The following TMCC1 variants were observed in gnomAD, a reference collection of about 807,000 sequenced individuals.
The protein encoded by TMCC1 is transmembrane and coiled-coil domains protein 1.
TMCC1 carries 15 observed loss-of-function variants against 52.4 expected under a neutral mutation model. The observed-to-expected ratio is 0.29, with a 90% CI of 0.19 to 0.44. The LOEUF (loss-of-function observed/expected upper bound fraction) is 0.44, where lower values mean the gene tolerates loss of function less well. Among genes scored for constraint, TMCC1 ranks in the 20% least tolerant of loss-of-function variants. The probability of loss-of-function intolerance (pLI) is 1.00; values close to 1 mark genes in which losing one functional copy is unlikely to be tolerated. For missense variants in TMCC1, 503 were observed against 806.0 expected, an observed-to-expected ratio of 0.62 and a Z score of 4.55; for synonymous variants, 279 against 301.9, an observed-to-expected ratio of 0.92 and a Z score of 0.79.
At chr3:129,760,401 AGTGTGTGT>A (rs200322394) in intron 4 of TMCC1, among the ~76,000 whole-genome samples, 209 of 137,932 alleles carry the variant, frequency 1.5e-3, no homozygotes, top group South Asian at 6.6e-3. Context: ...ACGCCAGGCT[AGTGTGTGT>A]GTGTGTGTGT....
At chr3:129,891,154 T>C (rs1009836144) in intron 1 of TMCC1, among the ~76,000 whole-genome samples, 69 of 152,216 alleles carry the variant, frequency 4.5e-4, no homozygotes, top group African/African-American at 1.7e-3. Flanking sequence ...TACCTTCTCC[T>C]TAATGAGGCC....
At chr3:129,765,577 T>C (rs2054059008) in intron 4 of TMCC1, among the ~76,000 whole-genome samples, 1 of 152,182 alleles carries the variant, frequency 6.6e-6, no homozygotes, top group Admixed American at 6.5e-5. Context: ...GGATTAACTA[T>C]GAGTGGTAGA....
intron 4 of TMCC1, among the ~76,000 whole-genome samples, chr3:129,812,832 T>C (rs2057895320): frequency 2.0e-5 from 3 of 151,914 alleles, no homozygotes; most frequent in Admixed American, 2.0e-4. Flanking sequence ...TGGGACCCAA[T>C]GAAACTAAAG....
chr3:129,742,368 C>T (rs2051539715), intron 4 of TMCC1, among the ~76,000 whole-genome samples: 1 of 151,916 alleles, frequency 6.6e-6, no homozygotes, highest in Admixed American at 6.6e-5. Flanking sequence ...AATTATAAGT[C>T]AAAATTGAAA....
At chr3:129,855,449 A>T (rs775107310) in intron 2 of TMCC1, among the ~76,000 whole-genome samples, 3 of 152,106 alleles carry the variant, frequency 2.0e-5, no homozygotes, top group Non-Finnish European at 4.4e-5. Context: ...CTACCAAAAA[A>T]TAACATTTAA....
chr3:129,771,936 G>A (rs185948601), intron 4 of TMCC1, among the ~76,000 whole-genome samples: 44 of 152,264 alleles, frequency 2.9e-4, no homozygotes, highest in Non-Finnish European at 5.9e-4. Flanking sequence ...AATTACATTA[G>A]TGGCAATGGA....
At chr3:129,830,886 T>A (rs2058876498) in intron 3 of TMCC1, among the ~76,000 whole-genome samples, 1 of 152,224 alleles carries the variant, frequency 6.6e-6, no homozygotes, top group Non-Finnish European at 1.5e-5. Context: ...ACATTTTGAA[T>A]ATCAGTAAAT....
At chr3:129,674,321 C>A (rs181936816) in intron 4 of TMCC1, among the ~76,000 whole-genome samples, 7 of 152,174 alleles carry the variant, frequency 4.6e-5, no homozygotes, top group African/African-American at 1.7e-4. Flanking sequence ...TCAGAATCAT[C>A]AACATGCCTG....
chr3:129,891,494 A>C (rs1269343412), intron 1 of TMCC1, among the ~76,000 whole-genome samples: 1 of 152,220 alleles, frequency 6.6e-6, no homozygotes, highest in African/African-American at 2.4e-5. Flanking sequence ...TTTGTACTAA[A>C]ACAGAATTGA....
chr3:129,870,461 A>C, intron 2 of TMCC1, among the ~76,000 whole-genome samples: 1 of 151,958 alleles, frequency 6.6e-6, no homozygotes, highest in East Asian at 1.9e-4. Context: ...ATGAGGCTGG[A>C]CAGCGTGGAA....
chr3:129,808,270 G>A (rs981696214), intron 4 of TMCC1, among the ~76,000 whole-genome samples: 2 of 151,978 alleles, frequency 1.3e-5, no homozygotes, highest in Non-Finnish European at 2.9e-5. Context: ...ATCACCTGAG[G>A]TCAGGAGTTT....
At chr3:129,775,010 A>ACC (rs1264692341) in intron 4 of TMCC1, among the ~76,000 whole-genome samples, 1 of 152,158 alleles carries the variant, frequency 6.6e-6, no homozygotes, top group East Asian at 1.9e-4. Flanking sequence ...AGGCAAGGAG[A>ACC]CCACTAGAAG....
intron 2 of TMCC1, among the ~76,000 whole-genome samples, chr3:129,853,004 T>C (rs2059984840): frequency 6.6e-6 from 1 of 152,168 alleles, no homozygotes; most frequent in African/African-American, 2.4e-5. Context: ...CTTAATTATT[T>C]GCCAACACAC....
chr3:129,802,375 T>C (rs1181623324), intron 4 of TMCC1, among the ~76,000 whole-genome samples: 1 of 152,230 alleles, frequency 6.6e-6, no homozygotes, highest in Non-Finnish European at 1.5e-5. Flanking sequence ...GAGAGTATAC[T>C]ATCATCAAGA....
intron 2 of TMCC1, among the ~76,000 whole-genome samples, chr3:129,878,736 G>C (rs982089327): frequency 6.6e-6 from 1 of 152,034 alleles, no homozygotes; most frequent in African/African-American, 2.4e-5. Flanking sequence ...ACAAAGACCA[G>C]CAGCAGCAGC....
chr3:129,692,082 T>C (rs1038569757), intron 4 of TMCC1, among the ~76,000 whole-genome samples: 4 of 152,208 alleles, frequency 2.6e-5, no homozygotes, highest in Non-Finnish European at 5.9e-5. Flanking sequence ...TTTGGCAAAC[T>C]GAGGCTAGTA....
At chr3:129,713,711 CAAA>C (rs113963331) in intron 4 of TMCC1, among the ~76,000 whole-genome samples, 1 of 60,158 alleles carries the variant, frequency 1.7e-5, no homozygotes. Context: ...ACCCCCATCT[CAAA>C]AAAAAAAAAA....
intron 2 of TMCC1, among the ~76,000 whole-genome samples, chr3:129,874,680 G>A (rs2061105213): frequency 6.6e-6 from 1 of 151,914 alleles, no homozygotes; most frequent in African/African-American, 2.4e-5. Flanking sequence ...AACATAGCAA[G>A]ACCCCATCTC....
chr3:129,783,861 T>C (rs775813431), intron 4 of TMCC1, among the ~76,000 whole-genome samples: 10 of 152,226 alleles, frequency 6.6e-5, no homozygotes, highest in Non-Finnish European at 1.3e-4. Flanking sequence ...TGGATACCTA[T>C]TATTCAAGAA....
Sources: gnomAD v4.1 joint callset for allele counts (sites outside exome capture counted in the v4.1 genomes callset) on GRCh38, gnomAD v4.1.1 for gene constraint, MANE v1.5 for transcripts, NCBI Gene and HGNC (gene_info 2026-07-23, HGNC 2026-07-21) for gene names.